Variants in ACSM3 observed in about 807,000 individuals in gnomAD.
ACSM3 encodes the protein acyl-coenzyme A synthetase ACSM3, mitochondrial.
In ACSM3, 61 loss-of-function variants were observed where a neutral mutation model predicts 74.1. That is an observed-to-expected ratio of 0.82 (90% CI 0.67 to 1.02). ACSM3 has a LOEUF of 1.02. Among genes scored for constraint, ACSM3 ranks in the 50% least tolerant of loss-of-function variants. The pLI is 0.00. For missense variants in ACSM3, 660 were observed against 697.0 expected (o/e 0.95, Z 0.60); for synonymous variants, 213 against 241.5 (o/e 0.88, Z 1.09).
chr16:20,713,191 T>C (rs2079749730), intron 1 of ACSM3, among the ~76,000 whole-genome samples: 1 of 152,126 alleles, frequency 6.6e-6, no homozygotes, highest in African/African-American at 2.4e-5. Flanking sequence ...CATGGGGTTG[T>C]AGGAGAATCA....
chr16:20,713,232 A>G (rs1241848908), intron 1 of ACSM3, among the ~76,000 whole-genome samples: 4 of 152,176 alleles, frequency 2.6e-5, no homozygotes, highest in Admixed American at 2.6e-4. Context: ...TCTTAGCTGA[A>G]TGCCTGGCAT....
At chr16:20,709,591 T>A (rs1286909462) in intron 1 of ACSM3, among the ~76,000 whole-genome samples, 1 of 152,238 alleles carries the variant, frequency 6.6e-6, no homozygotes, top group East Asian at 1.9e-4. Flanking sequence ...TTATAAGTCA[T>A]TAAGAACAGG....
Position 20,724,737 on chromosome 16 carries a change from C to T in ACSM3, c.-189-25173C>T, listed in dbSNP as rs566541796. Among the ~76,000 whole-genome samples, 30 of 152,274 alleles carry T rather than the reference C, an allele frequency of 2.0e-4. No homozygotes were observed. The South Asian group carries it at 5.0e-3, about 25-fold the overall frequency. On this transcript the variant is annotated intron_variant, in intron 1 of 3. Coordinates refer to the ACSM3 transcript ENST00000561584. ...CACAAGCATTCTTATACACCAATAA[C>T]AGACAAACAGAGAGCCAAATCATGA...
In ACSM3 at chr16:20,777,460, C is replaced by T; in HGVS notation, c.518C>T (p.Thr173Ile). The change falls in exon 4 of 14, where the codon ACC becomes ATC. Residue 173 changes from threonine (T) to isoleucine (I), a missense_variant. Coordinates refer to ENST00000289416, the MANE Select transcript of ACSM3 (RefSeq NM_005622.4). ...TCTTCAAAAGCAAACTGCATTATCA[C>T]CAATGATGTTTTAGCCCCAGCAGTA... ...LQSSKANCII[T>I]NDVLAPAVDA... is the part of the protein sequence containing the mutation. 6.2e-7 allele frequency: 1 copy of T among 1,614,008 alleles called. No homozygotes were observed.
intron 9 of ACSM3, chr16:20,789,676 C>G: frequency 1.8e-6 from 1 of 548,850 alleles, no homozygotes; most frequent in Non-Finnish European, 3.2e-6. Context: ...TAAAGCAACT[C>G]TATTTTTCTT....
At position 20,790,517 on chromosome 16, in the gene ACSM3, G is replaced by T; in HGVS notation, c.1225-70G>T. 4 of 1,435,688 alleles carry T rather than the reference G, an allele frequency of 2.8e-6. No individual in the cohort carries two copies. Among genetic ancestry groups the T allele is most frequent in the South Asian group, 1.2e-5 (1 of 81,844 alleles). The allele number at this position is 1,435,688 out of a possible 1,614,324, so 88.9% of individuals were successfully genotyped here. On this transcript the variant is annotated intron_variant, in intron 9 of 13. Coordinates refer to ENST00000289416, the MANE Select transcript of ACSM3 (RefSeq NM_005622.4). The surrounding 1 kb of genome is among the most constrained non-coding windows in gnomAD (Gnocchi z 4.0). ...AATGGCAAAAGCCAAAATAAAACTT[G>T]CAAAGTTAATATTTAAGCTGCGACA...
chr16:20,759,858 A>C (rs1251417597), upstream of ACSM3, among the ~76,000 whole-genome samples: 1 of 152,154 alleles, frequency 6.6e-6, no homozygotes, highest in African/African-American at 2.4e-5. Context: ...ATGACACTTG[A>C]AGTGGGGGGC....
intron 1 of ACSM3, among the ~76,000 whole-genome samples, chr16:20,705,558 G>C (rs1475750992): frequency 2.6e-5 from 4 of 152,074 alleles, no homozygotes; most frequent in Admixed American, 2.6e-4. Context: ...CCAAATCCAT[G>C]GCTGATCCCT....
chr16:20,785,949 G>A, intron 8 of ACSM3, 129 bp from the exon 9 acceptor site: 1 of 576,122 alleles, frequency 1.7e-6, no homozygotes, highest in Non-Finnish European at 3.0e-6. Flanking sequence ...TTCCATGAGA[G>A]TATAGCATTC....
At chr16:20,771,296 A>G (rs574391142) in intron 2 of ACSM3, among the ~76,000 whole-genome samples, 3 of 151,580 alleles carry the variant, frequency 2.0e-5, no homozygotes, top group East Asian at 3.9e-4. Flanking sequence ...CCTGGTCTCA[A>G]GTGATCCGCC....
intron 1 of ACSM3, chr16:20,691,209 C>A (rs749072090): frequency 2.7e-4 from 420 of 1,541,272 alleles, no homozygotes; most frequent in Non-Finnish European, 3.5e-4. Flanking sequence ...TCCTCAGAAA[C>A]CAGGCACAGA....
chr16:20,770,592 G>A (rs1194837947), intron 2 of ACSM3, among the ~76,000 whole-genome samples: 1 of 151,990 alleles, frequency 6.6e-6, no homozygotes, highest in Non-Finnish European at 1.5e-5. Context: ...AGAAAAGGAG[G>A]CACAGATAAA....
chr16:20,697,453 T>A (rs2079695615), intron 1 of ACSM3, among the ~76,000 whole-genome samples: 1 of 151,976 alleles, frequency 6.6e-6, no homozygotes, highest in Non-Finnish European at 1.5e-5. Context: ...TCACCCAATA[T>A]CACCATTGTC....
At chr16:20,714,647 A>G (rs1352581910) in intron 1 of ACSM3, among the ~76,000 whole-genome samples, 3 of 152,166 alleles carry the variant, frequency 2.0e-5, no homozygotes, top group African/African-American at 7.2e-5. Flanking sequence ...GTCAAGGTTG[A>G]TCTGCTTTTT....
chr16:20,695,651 T>C (rs1182039534), intron 1 of ACSM3, among the ~76,000 whole-genome samples: 1 of 151,004 alleles, frequency 6.6e-6, no homozygotes, highest in Non-Finnish European at 1.5e-5. Flanking sequence ...TCTATCTATC[T>C]ACCTATTACC....
Position 20,775,981 on chromosome 16 carries a change from A to T in ACSM3, c.362A>T (p.Asp121Val). Residue 121 changes from aspartate (D) to valine (V), a missense_variant, in exon 3 of 14, where the codon GAT becomes GTT. Physicochemically the swap from Asp to Val is radical, Grantham distance 152. Coordinates refer to ENST00000289416, the MANE Select transcript of ACSM3 (RefSeq NM_005622.4). ...GAAGCCTGTTCCCTACAAAGAGGAG[A>T]TCGGGTAATTCTGATTCTGCCCAGG... ...LSEACSLQRG[D>V]RVILILPRVP... is the part of the protein sequence containing the mutation. The T allele has an allele frequency of 6.2e-7, 1 of 1,614,172 alleles. No homozygotes were observed.
intron 1 of ACSM3, among the ~76,000 whole-genome samples, chr16:20,687,272 G>A (rs2079570803): frequency 6.6e-6 from 1 of 152,048 alleles, no homozygotes; most frequent in Non-Finnish European, 1.5e-5. Flanking sequence ...GGCACGTAGG[G>A]GAAAGAGAAA....
At chr16:20,682,229 A>T in intron 1 of ACSM3, 2 of 1,606,466 alleles carry the variant, frequency 1.2e-6, no homozygotes, top group Non-Finnish European at 1.7e-6. Flanking sequence ...GTACTCAGAG[A>T]TTATATTCAT....
chr16:20,786,241 C>A (rs766699010), intron 9 of ACSM3, 83 bp downstream of exon 9: 3 of 1,511,938 alleles, frequency 2.0e-6, no homozygotes, highest in South Asian at 2.6e-5. Flanking sequence ...TATAAACTTT[C>A]TTTGTTATGA....
Sources: allele counts gnomAD v4.1 joint callset (sites outside exome capture counted in the v4.1 genomes callset), GRCh38; gene constraint gnomAD v4.1.1; non-coding constraint Gnocchi (gnomAD v3.1); transcripts MANE v1.5; gene names NCBI Gene and HGNC (gene_info 2026-07-23, HGNC 2026-07-21).